Variants in GNB4 observed in about 807,000 individuals in gnomAD.
GNB4 encodes G protein subunit beta 4.
GNB4 carries 28 observed loss-of-function variants against 45.2 expected under a neutral mutation model. The ratio of observed to expected loss-of-function variants is 0.62; its 90% CI spans 0.46 to 0.85. The LOEUF is 0.85. GNB4 is among the 40% of genes least tolerant of loss of function. The probability of loss-of-function intolerance (pLI) is 0.00; values close to 1 mark genes in which losing one functional copy is unlikely to be tolerated. For synonymous variants in GNB4, 132 were observed against 143.7 expected (o/e 0.92, Z 0.58); for missense variants, 321 against 425.4 (o/e 0.75, Z 2.16).
At chr3:179,401,836 C>A (rs559487399) in intron 9 of GNB4, among the ~76,000 whole-genome samples, 4 of 152,318 alleles carry the variant, frequency 2.6e-5, no homozygotes, top group Non-Finnish European at 4.4e-5. Context: ...AATCACCAAA[C>A]TCTGGAATGT....
chr3:179,490,167 T>G, the GNB4 span, among the ~76,000 whole-genome samples: 1 of 152,204 alleles, frequency 6.6e-6, no homozygotes, highest in Non-Finnish European at 1.5e-5. Flanking sequence ...AGATAGCAGA[T>G]GTACTGGAGA....
chr3:179,407,023 TCTG>T (rs1391143790), intron 8 of GNB4, among the ~76,000 whole-genome samples: 1 of 152,218 alleles, frequency 6.6e-6, no homozygotes, highest in Non-Finnish European at 1.5e-5. Flanking sequence ...TGGCTATCCT[TCTG>T]CTTCCAGCCA....
At chr3:179,453,411 C>T (rs1373493230), upstream of GNB4, among the ~76,000 whole-genome samples, 1 of 152,204 alleles carries the variant, frequency 6.6e-6, no homozygotes, top group African/African-American at 2.4e-5. Flanking sequence ...CGTGAGCCAC[C>T]GATCCCGGCC....
At chr3:179,504,056 G>A in the GNB4 span, among the ~76,000 whole-genome samples, 3 of 152,070 alleles carry the variant, frequency 2.0e-5, no homozygotes, top group Non-Finnish European at 4.4e-5. Flanking sequence ...AGGGATGAGT[G>A]GGACAGTCAA....
At chr3:179,448,256 C>T (rs1268620339) in intron 1 of GNB4, among the ~76,000 whole-genome samples, 2 of 152,150 alleles carry the variant, frequency 1.3e-5, no homozygotes, top group Non-Finnish European at 1.5e-5. Context: ...TGAGCCACCG[C>T]GCCTGGCCTG....
At chr3:179,486,836 A>G in the GNB4 span, among the ~76,000 whole-genome samples, 1 of 152,250 alleles carries the variant, frequency 6.6e-6, no homozygotes, top group African/African-American at 2.4e-5. Context: ...CTTTAAATCA[A>G]TAATTACAAA....
rs1159263545 is a variant in GNB4, at chr3:179,398,515, T to C, written c.*2698A>G. ...TCCAGCCTGGGTGACAGAGTGAGAC[T>C]CTGTCTTTAAAAAAAAAAAAAAAGG... On this transcript the variant is annotated 3_prime_UTR_variant, in exon 10 of 10. Coordinates refer to ENST00000232564, the MANE Select transcript of GNB4 (RefSeq NM_021629.4). 1.4e-5 allele frequency: 2 copies of C among 144,498 alleles called. No individual in the cohort carries two copies. Among genetic ancestry groups the C allele is most frequent in the African/African-American group, 2.9e-5 (1 of 34,904 alleles). The allele number at this position is 144,498 out of a possible 1,614,324, so 9.0% of individuals were successfully genotyped here. A position where few individuals can be genotyped will look rare whatever the true frequency, so the allele number is the denominator to read the frequency against.
chr3:179,450,325 T>C (rs1364200026), intron 1 of GNB4, among the ~76,000 whole-genome samples: 1 of 152,220 alleles, frequency 6.6e-6, no homozygotes, highest in Non-Finnish European at 1.5e-5. Flanking sequence ...GCCGTCCTCC[T>C]CTCCGACTAG....
the GNB4 span, among the ~76,000 whole-genome samples, chr3:179,466,866 G>T: frequency 1.3e-5 from 2 of 152,184 alleles, no homozygotes; most frequent in Admixed American, 6.5e-5. Context: ...AATCAAGCAG[G>T]TTTACTCTTG....
the GNB4 span, among the ~76,000 whole-genome samples, chr3:179,513,171 C>A: frequency 4.1e-5 from 6 of 146,230 alleles, no homozygotes; most frequent in Non-Finnish European, 8.9e-5. Flanking sequence ...AAGGATAAGG[C>A]ATTTCTCATG....
the GNB4 span, among the ~76,000 whole-genome samples, chr3:179,470,465 T>TA: frequency 2.7e-5 from 4 of 148,552 alleles, no homozygotes; most frequent in East Asian, 2.0e-4. Context: ...TTTACAAAGT[T>TA]AAAAAAAAAT....
intron 8 of GNB4, among the ~76,000 whole-genome samples, chr3:179,411,522 A>T (rs780997238): frequency 3.3e-5 from 5 of 152,102 alleles, no homozygotes; most frequent in Admixed American, 6.5e-5. Flanking sequence ...AGTGGCTGAA[A>T]AAAAACCACA....
At chr3:179,407,188 G>C (rs983309027) in intron 8 of GNB4, among the ~76,000 whole-genome samples, 2 of 152,276 alleles carry the variant, frequency 1.3e-5, no homozygotes, top group Non-Finnish European at 2.9e-5. Flanking sequence ...GGCCAGGCAC[G>C]GTGGCTCACA....
At chr3:179,468,443 C>T in the GNB4 span, among the ~76,000 whole-genome samples, 11 of 151,140 alleles carry the variant, frequency 7.3e-5, no homozygotes, top group South Asian at 2.1e-4. Context: ...TGCGGTAAGC[C>T]GAGATCATAC....
chr3:179,508,178 T>G, the GNB4 span, among the ~76,000 whole-genome samples: 43,814 of 152,048 alleles, frequency 0.29, 7,623 homozygotes, highest in African/African-American at 0.49. Flanking sequence ...ATAGAGACAG[T>G]TTCTCATTAT....
intron 2 of GNB4, among the ~76,000 whole-genome samples, chr3:179,425,130 C>A (rs373046316): frequency 6.6e-6 from 1 of 152,218 alleles, no homozygotes; most frequent in Non-Finnish European, 1.5e-5. Context: ...AGGCTTCCTA[C>A]AAGATGGCAT....
chr3:179,517,300 G>A, the GNB4 span, among the ~76,000 whole-genome samples: 1 of 151,832 alleles, frequency 6.6e-6, no homozygotes, highest in Admixed American at 6.6e-5. Context: ...GCCTACCAGA[G>A]AACAACCCCC....
chr3:179,407,473 T>G lies in GNB4; in HGVS notation c.700-2067A>C, dbSNP rs549987008. Among the ~76,000 whole-genome samples the G allele has an allele frequency of 1.3e-4, 20 of 152,000 alleles. No homozygotes were observed. In the South Asian group the frequency reaches 4.2e-3, roughly 32 times the overall value. On this transcript the variant is annotated intron_variant, in intron 8 of 9. Coordinates refer to ENST00000232564, the MANE Select transcript of GNB4 (RefSeq NM_021629.4). ...GACTGTCTCAAAATAAGTAAGTAAA[T>G]AAATAAATAAGATCATTCCTACAGC...
the GNB4 span, among the ~76,000 whole-genome samples, chr3:179,473,139 G>T: frequency 1.3e-5 from 2 of 151,278 alleles, no homozygotes; most frequent in South Asian, 2.1e-4. Flanking sequence ...CTCCAGCCTG[G>T]GCAACAGAGT....
Sources: allele counts gnomAD v4.1 joint callset (sites outside exome capture counted in the v4.1 genomes callset), GRCh38; gene constraint gnomAD v4.1.1; transcripts MANE v1.5; gene names NCBI Gene and HGNC (gene_info 2026-07-23, HGNC 2026-07-21).